AGO1: variants seen among roughly 807,000 people sequenced by gnomAD.
The protein encoded by AGO1 is protein argonaute-1.
Under a neutral mutation model 109.2 loss-of-function variants are expected in AGO1, and 11 were observed. The ratio of observed to expected loss-of-function variants is 0.10; its 90% CI spans 0.06 to 0.17. The LOEUF is 0.17. AGO1 is among the 10% of genes least tolerant of loss of function. AGO1 has a pLI of 1.00. For missense variants in AGO1, 574 were observed against 1,140.3 expected (o/e 0.50, Z 7.15); for synonymous variants, 422 against 418.6 (o/e 1.01, Z -0.10).
intron 1 of AGO1, among the ~76,000 whole-genome samples, chr1:35,886,879 T>TC: frequency 6.6e-6 from 1 of 152,256 alleles, no homozygotes; most frequent in East Asian, 1.9e-4. Context: ...GCAGATATAG[T>TC]CCCTGCCTTT....
intron 16 of AGO1, 105 bp from the exon 17 acceptor site, chr1:35,918,217 T>C (rs1645769923): frequency 2.2e-6 from 2 of 889,020 alleles, no homozygotes; most frequent in African/African-American, 3.3e-5. Flanking sequence ...ATAGCAACTT[T>C]GGCTTTGTTC....
At chr1:35,905,367 G>A (rs1645500654) in intron 11 of AGO1, among the ~76,000 whole-genome samples, 1 of 152,244 alleles carries the variant, frequency 6.6e-6, no homozygotes, top group African/African-American at 2.4e-5. Flanking sequence ...GATAATAAAT[G>A]TAGAGAATAA....
chr1:35,914,941 T>G (rs1414059102), intron 14 of AGO1, among the ~76,000 whole-genome samples: 2 of 152,210 alleles, frequency 1.3e-5, no homozygotes. Context: ...TGGTCATGAT[T>G]CCTGGGTAGA....
At chr1:35,908,216 C>T (rs764278055) in intron 12 of AGO1, among the ~76,000 whole-genome samples, 1 of 152,188 alleles carries the variant, frequency 6.6e-6, no homozygotes, top group Non-Finnish European at 1.5e-5. Context: ...TACCTTTCTC[C>T]TAAATCTCCT....
At chr1:35,890,270 G>A (rs1192713717) in intron 2 of AGO1, among the ~76,000 whole-genome samples, 4 of 152,000 alleles carry the variant, frequency 2.6e-5, no homozygotes, top group Admixed American at 6.6e-5. Flanking sequence ...CAGTCTGCCC[G>A]CCTCAGCCTT....
intron 16 of AGO1, 48 bp from the exon 17 acceptor site, chr1:35,918,274 T>C: frequency 6.8e-7 from 1 of 1,461,390 alleles, no homozygotes; most frequent in South Asian, 1.1e-5. Flanking sequence ...GGGTCCTGGT[T>C]AGGGCCAGGC....
At chr1:35,895,009 T>C in intron 7 of AGO1, 113 bp from the exon 8 acceptor site, 1 of 1,299,116 alleles carries the variant, frequency 7.7e-7, no homozygotes, top group Admixed American at 2.6e-5. Context: ...CTGCACATCA[T>C]ATTGGGGCCA....
chr1:35,904,377 T>C (rs1301389128), intron 11 of AGO1, among the ~76,000 whole-genome samples: 1 of 152,172 alleles, frequency 6.6e-6, no homozygotes, highest in African/African-American at 2.4e-5. Context: ...AGTACTGGGA[T>C]CACAGGCGTG....
At position 35,920,363 on chromosome 1, in the gene AGO1, C is replaced by T. The variant is rs2148726687; in HGVS notation, c.*756C>T. 1 of 152,670 alleles carries T rather than the reference C, an allele frequency of 6.6e-6. No homozygotes were observed. The highest frequency in any genetic ancestry group is 1.5e-5 in the Non-Finnish European group (1 of 68,056). The allele number at this position is 152,670 out of a possible 1,614,324, so 9.5% of individuals were successfully genotyped here. A position where few individuals can be genotyped will look rare whatever the true frequency, so the allele number is the denominator to read the frequency against. ...TGACACGACCCTGTCTTCCTTCCGCCCGCTGGTGGGTAACCAGTGCCTTCC... is the reference window on the plus strand; with the variant it reads ...TGACACGACCCTGTCTTCCTTCCGCTCGCTGGTGGGTAACCAGTGCCTTCC... On this transcript the variant is annotated 3_prime_UTR_variant, in exon 19 of 19. Transcript: ENST00000373204.
Position 35,893,261 on chromosome 1 carries a change from G to A in AGO1, c.495G>A (p.Arg165=), listed in dbSNP as rs1204721590. The stretch of plus-strand genomic sequence containing the variant: ...TGCAAGCCCTGGATGTGGCCATGAG[G>A]CACCTGGCATCCATGAGGTATTGGG... ...ESVQALDVAM[R]HLASMRYTPV... Residue 165 remains arginine (R), a synonymous_variant, in exon 4 of 19, where the codon AGG becomes AGA. Transcript: ENST00000373204. This position sits in a 1 kb window ranked among gnomAD's most constrained non-coding sequence, Gnocchi z 5.6. 5 of 1,613,836 alleles carry A rather than the reference G, an allele frequency of 3.1e-6. No individual in the cohort carries two copies. Among genetic ancestry groups the A allele is most frequent in the Non-Finnish European group, 4.2e-6 (5 of 1,179,848 alleles).
At chr1:35,892,408 A>T in intron 2 of AGO1, 149 bp from the exon 3 acceptor site, 1 of 1,003,030 alleles carries the variant, frequency 1.0e-6, no homozygotes, top group Non-Finnish European at 1.5e-6. Context: ...GGTGATTCAT[A>T]GGAATATTAA....
chr1:35,895,553 A>G (rs1314278201), intron 8 of AGO1, among the ~76,000 whole-genome samples: 1 of 152,312 alleles, frequency 6.6e-6, no homozygotes, highest in African/African-American at 2.4e-5. Flanking sequence ...ACCCACACTC[A>G]TGTTCTCTTA....
chr1:35,912,381 AAAG>A lies in AGO1; in HGVS notation c.1583-1460_1583-1458del, dbSNP rs1482065865. Among the ~76,000 whole-genome samples the A allele has an allele frequency of 4.0e-5, 6 of 149,474 alleles. No individual in the cohort carries two copies. The South Asian group carries it at 8.6e-4, about 21-fold the overall frequency. On this transcript the variant is annotated intron_variant, in intron 12 of 18. Transcript: ENST00000373204. Reference sequence around the variant, plus strand: ...CTCAGAAAAAAAAAAAAAAAAAAAAAAAGCATGCCTTCAACTACTACCTGTACC... The same window carrying A: ...CTCAGAAAAAAAAAAAAAAAAAAAAACATGCCTTCAACTACTACCTGTACC...
Position 35,901,704 on chromosome 1 carries a change from A to G in AGO1, c.1140+111A>G. On this transcript the variant is annotated intron_variant, in intron 9 of 18. Coordinates refer to ENST00000373204, the MANE Select transcript of AGO1 (RefSeq NM_012199.5). The surrounding 1 kb of genome is among the most constrained non-coding windows in gnomAD (Gnocchi z 4.8). ...GAACCCAAGTCTAGATTTGTTGCCT[A>G]GGACTGTATAAGGCTGCTTTTGCTT... 6.5e-7 allele frequency: 1 copy of G among 1,541,042 alleles called. No homozygotes were observed. Among genetic ancestry groups the G allele is most frequent in the Admixed American group, 1.9e-5 (1 of 53,928 alleles).
rs182960571 is a variant in AGO1, at chr1:35,893,526, A to G, written c.513-148A>G. The G allele has an allele frequency of 9.8e-6, 9 of 915,074 alleles. No individual in the cohort carries two copies. In the East Asian group the frequency reaches 2.4e-4, roughly 24 times the overall value. 56.7% of individuals were successfully genotyped at this position (915,074 alleles called of 1,614,324 possible). On this transcript the variant is annotated intron_variant, in intron 4 of 18. Transcript: ENST00000373204. This position sits in a 1 kb window ranked among gnomAD's most constrained non-coding sequence, Gnocchi z 5.6. ...GCAGAGAGAAGGTAGAAACTTGTAC[A>G]AGGTCAGTCATACAACTAGTAAAGC...
intron 14 of AGO1, among the ~76,000 whole-genome samples, chr1:35,914,751 C>T (rs1379515518): frequency 6.6e-6 from 1 of 152,186 alleles, no homozygotes; most frequent in South Asian, 2.1e-4. Flanking sequence ...CCTTCTTTCC[C>T]ACTTATATTT....
chr1:35,901,743 C>T lies in AGO1; in HGVS notation c.1140+150C>T, dbSNP rs1445218975. 1.5e-6 allele frequency: 2 copies of T among 1,373,786 alleles called. No individual in the cohort carries two copies. The highest frequency in any genetic ancestry group is 2.0e-6 in the Non-Finnish European group (2 of 1,007,702). 85.1% of individuals were successfully genotyped at this position (1,373,786 alleles called of 1,614,324 possible). A position where few individuals can be genotyped will look rare whatever the true frequency, so the allele number is the denominator to read the frequency against. On this transcript the variant is annotated intron_variant, in intron 9 of 18. Transcript: ENST00000373204. This position sits in a 1 kb window ranked among gnomAD's most constrained non-coding sequence, Gnocchi z 4.8. ...CTGCTTTTGCTTCTTGACCGTATAG[C>T]TACTTTGCTTTCTGTCTCTTTTTCT...
chr1:35,912,090 G>T (rs976744456), intron 12 of AGO1, among the ~76,000 whole-genome samples: 1 of 152,118 alleles, frequency 6.6e-6, no homozygotes, highest in Non-Finnish European at 1.5e-5. Flanking sequence ...GGGCGCGGTG[G>T]CTCACGCGTG....
At position 35,920,725 on chromosome 1, in the gene AGO1, T is replaced by G. The variant is rs1645816494; in HGVS notation, c.*1118T>G. 6.6e-6 allele frequency: 1 copy of G among 152,652 alleles called. No individual in the cohort carries two copies. Among genetic ancestry groups the G allele is most frequent in the African/African-American group, 2.4e-5 (1 of 41,444 alleles). The allele number at this position is 152,652 out of a possible 1,614,324, so 9.5% of individuals were successfully genotyped here. ...CGCCCCGCCCAGGTCTGGAGTTACT[T>G]TCATAGCATTTTTCACTCTTGGCTT... On this transcript the variant is annotated 3_prime_UTR_variant, in exon 19 of 19. Coordinates refer to ENST00000373204, the MANE Select transcript of AGO1 (RefSeq NM_012199.5).
Sources: allele counts gnomAD v4.1 joint callset (sites outside exome capture counted in the v4.1 genomes callset), GRCh38; gene constraint gnomAD v4.1.1; non-coding constraint Gnocchi (gnomAD v3.1); transcripts MANE v1.5; gene names NCBI Gene and HGNC (gene_info 2026-07-23, HGNC 2026-07-21).